Variants in CDH12 observed in about 807,000 individuals in gnomAD.
The protein encoded by CDH12 is cadherin 12.
A neutral mutation model predicts 74.1 loss-of-function variants in CDH12; 41 were observed. That is an observed-to-expected ratio of 0.55 (90% CI 0.43 to 0.72). The LOEUF (loss-of-function observed/expected upper bound fraction) is 0.72. Ranked by LOEUF, CDH12 falls within the 30% of genes least tolerant of loss-of-function variation. CDH12 has a pLI of 0.00. For missense variants in CDH12, 945 were observed against 977.2 expected (o/e 0.97, Z 0.44); for synonymous variants, 399 against 355.0 (o/e 1.12, Z -1.39).
intron 6 of CDH12, among the ~76,000 whole-genome samples, chr5:21,942,839 T>C (rs1755400742): frequency 6.6e-6 from 1 of 152,172 alleles, no homozygotes; most frequent in African/African-American, 2.4e-5. Context: ...AGATAACTTT[T>C]AATGAGTTGG....
chr5:22,077,053 TG>T (rs1742374779), intron 5 of CDH12, among the ~76,000 whole-genome samples: 1 of 41,364 alleles, frequency 2.4e-5, no homozygotes, highest in African/African-American at 9.0e-5. Context: ...TGGCAGTGTG[TG>T]TGTGTGTGTG....
intron 4 of CDH12, among the ~76,000 whole-genome samples, chr5:22,188,764 C>G (rs550963393): frequency 1.2e-4 from 18 of 152,214 alleles, no homozygotes; most frequent in East Asian, 9.7e-4. Context: ...GATTGGCAAG[C>G]ATTTATTTAT....
chr5:21,798,869 C>T (rs148955570), intron 10 of CDH12, among the ~76,000 whole-genome samples: 106 of 152,230 alleles, frequency 7.0e-4, no homozygotes, highest in African/African-American at 2.4e-3. Flanking sequence ...GTGACTAAGA[C>T]AGACATTGGT....
chr5:22,424,933 G>T (rs563352123), intron 2 of CDH12, among the ~76,000 whole-genome samples: 1 of 151,224 alleles, frequency 6.6e-6, no homozygotes, highest in African/African-American at 2.4e-5. Context: ...AACTCATTTT[G>T]AATATAAAAT....
chr5:22,208,525 T>C (rs1214839168), intron 4 of CDH12, among the ~76,000 whole-genome samples: 2 of 152,252 alleles, frequency 1.3e-5, no homozygotes, highest in Non-Finnish European at 2.9e-5. Context: ...CTGTCCTTTT[T>C]ACGTTTCTCA....
chr5:22,805,043 G>T (rs1242885206), intron 1 of CDH12, among the ~76,000 whole-genome samples: 4 of 152,116 alleles, frequency 2.6e-5, no homozygotes. Flanking sequence ...CTGCTGGTGG[G>T]AATGTAAAAT....
chr5:21,986,166 C>T (rs1214646281), intron 5 of CDH12, among the ~76,000 whole-genome samples: 1 of 152,032 alleles, frequency 6.6e-6, no homozygotes, highest in African/African-American at 2.4e-5. Context: ...CAAAAAGGCC[C>T]CCATGCATCC....
chr5:22,687,837 A>G (rs1378735555), intron 1 of CDH12, among the ~76,000 whole-genome samples: 1 of 152,262 alleles, frequency 6.6e-6, no homozygotes, highest in African/African-American at 2.4e-5. Flanking sequence ...TGAATATAGT[A>G]AAATGTTGAT....
intron 4 of CDH12, among the ~76,000 whole-genome samples, chr5:22,099,980 C>T (rs763584060): frequency 5.3e-5 from 8 of 152,298 alleles, no homozygotes; most frequent in Non-Finnish European, 8.8e-5. Flanking sequence ...TCAGTTTAAT[C>T]TCTCCCACTC....
intron 1 of CDH12, among the ~76,000 whole-genome samples, chr5:22,589,743 C>A (rs558505213): frequency 6.6e-6 from 1 of 152,282 alleles, no homozygotes; most frequent in South Asian, 2.1e-4. Flanking sequence ...TGTTAGAGCA[C>A]CTGAAGATGT....
intron 4 of CDH12, among the ~76,000 whole-genome samples, chr5:22,099,984 C>T (rs1281632552): frequency 6.6e-6 from 1 of 152,166 alleles, no homozygotes; most frequent in South Asian, 2.1e-4. Context: ...TTTAATCTCT[C>T]CCACTCTAGG....
At chr5:22,310,171 C>T (rs1738320763) in intron 3 of CDH12, among the ~76,000 whole-genome samples, 1 of 151,682 alleles carries the variant, frequency 6.6e-6, no homozygotes, top group Admixed American at 6.6e-5. Context: ...ATAACAACAA[C>T]AACAACAGGC....
At chr5:21,771,297 T>G (rs1745312050) in intron 11 of CDH12, among the ~76,000 whole-genome samples, 1 of 152,152 alleles carries the variant, frequency 6.6e-6, no homozygotes, top group Non-Finnish European at 1.5e-5. Flanking sequence ...GCCATGAAAC[T>G]GAATTATACT....
chr5:22,403,235 A>T (rs1030997105), intron 3 of CDH12, among the ~76,000 whole-genome samples: 3 of 152,154 alleles, frequency 2.0e-5, no homozygotes, highest in African/African-American at 7.2e-5. Context: ...TGTGATAATT[A>T]TTATGGCAAT....
At chr5:22,267,849 A>C (rs1473004901) in intron 3 of CDH12, among the ~76,000 whole-genome samples, 1 of 152,156 alleles carries the variant, frequency 6.6e-6, no homozygotes, top group African/African-American at 2.4e-5. Context: ...AAAATACAGA[A>C]AATAGAGCTG....
intron 1 of CDH12, among the ~76,000 whole-genome samples, chr5:22,578,654 G>A (rs530408644): frequency 6.6e-6 from 1 of 152,174 alleles, no homozygotes; most frequent in East Asian, 1.9e-4. Flanking sequence ...ATTCATGTGT[G>A]CTCAGAAGCA....
chr5:22,125,560 C>T (rs1490759249), intron 4 of CDH12, among the ~76,000 whole-genome samples: 5 of 152,138 alleles, frequency 3.3e-5, no homozygotes, highest in African/African-American at 7.2e-5. Context: ...GTTTCTTTAG[C>T]GGCTTAGCCG....
intron 1 of CDH12, among the ~76,000 whole-genome samples, chr5:22,523,256 A>T (rs1737129490): frequency 1.3e-5 from 2 of 152,096 alleles, no homozygotes; most frequent in Non-Finnish European, 2.9e-5. Flanking sequence ...ACTCCCTTCC[A>T]TGGTAATCTC....
rs35149500 is a variant in CDH12 at position 22,292,623 on chromosome 5, A to AACAC, written c.-332-79984_-332-79981dup. ...CAAAGGACCTGAAAGATGCTTCTCA[A>AACAC]ACACACACACACACACACACAAACA... On this transcript the variant is annotated intron_variant, in intron 3 of 14. Transcript: ENST00000382254. Among the ~76,000 whole-genome samples the AACAC allele has an allele frequency of 4.9e-3, 731 of 149,716 alleles. 1 individual carries two copies. The highest frequency in any genetic ancestry group is 0.017 in the East Asian group (84 of 5,064).
Sources: gnomAD v4.1 joint callset for allele counts (sites outside exome capture counted in the v4.1 genomes callset) on GRCh38, gnomAD v4.1.1 for gene constraint, MANE v1.5 for transcripts, NCBI Gene and HGNC (gene_info 2026-07-23, HGNC 2026-07-21) for gene names.